LOXL2: variants seen among roughly 807,000 people sequenced by gnomAD.
LOXL2 encodes the protein lysyl oxidase like 2.
LOXL2 carries 70 observed loss-of-function variants against 93.0 expected under a neutral mutation model. That is an observed-to-expected ratio of 0.75 (90% CI 0.62 to 0.92). The LOEUF is 0.92. Ranked by LOEUF, LOXL2 falls within the 40% of genes least tolerant of loss-of-function variation. The pLI is 0.00. For missense variants in LOXL2, 973 were observed against 1,054.9 expected, an observed-to-expected ratio of 0.92 and a Z score of 1.08; for synonymous variants, 438 against 413.2, an observed-to-expected ratio of 1.06 and a Z score of -0.73.
chr8:23,373,732 T>C (rs1804540289), intron 1 of LOXL2, among the ~76,000 whole-genome samples: 1 of 152,236 alleles, frequency 6.6e-6, no homozygotes, highest in Non-Finnish European at 1.5e-5. Context: ...GTTTGATAAC[T>C]TGCCTAAAGT....
chr8:23,341,276 C>A (rs1016744673), intron 3 of LOXL2, 73 bp from the exon 4 acceptor site: 5 of 1,265,038 alleles, frequency 4.0e-6, no homozygotes, highest in Non-Finnish European at 5.8e-6. Flanking sequence ...GCAACCAGTA[C>A]TTCTTTAGCG....
At chr8:23,384,744 T>C (rs1407906555) in intron 1 of LOXL2, among the ~76,000 whole-genome samples, 1 of 152,072 alleles carries the variant, frequency 6.6e-6, no homozygotes, top group Non-Finnish European at 1.5e-5. Context: ...TGAAACCCCA[T>C]TGCTACTAAA....
intron 10 of LOXL2, among the ~76,000 whole-genome samples, chr8:23,304,906 G>A (rs557414228): frequency 2.6e-5 from 4 of 152,276 alleles, no homozygotes; most frequent in Admixed American, 2.6e-4. Flanking sequence ...GGTTTCCTGC[G>A]AGGAAATTCG....
intron 3 of LOXL2, among the ~76,000 whole-genome samples, chr8:23,347,182 C>T (rs947621246): frequency 1.8e-5 from 1 of 54,162 alleles, no homozygotes; most frequent in Non-Finnish European, 3.2e-5. Flanking sequence ...CACACACACA[C>T]ACACACACAC....
At position 23,322,172 on chromosome 8, in the gene LOXL2, A is replaced by G; in HGVS notation, c.1260T>C (p.Ala420=). The part of the protein sequence containing the change: ...ESQGCNHEED[A]GVRCNTPAMG... ...TGGCAGGGGTGTTGCATCTCACACC[A>G]GCATCCTCCTCGTGGTTGCAGCCCT... The change falls in exon 7 of 14, where the codon GCT becomes GCC. Residue 420 remains alanine, a synonymous_variant. Transcript: ENST00000389131. The G allele has an allele frequency of 5.6e-6, 9 of 1,614,210 alleles. No individual in the cohort carries two copies. The highest frequency in any genetic ancestry group is 7.6e-6 in the Non-Finnish European group (9 of 1,180,008).
chr8:23,341,529 C>T (rs1585359258), intron 3 of LOXL2: 1 of 422,164 alleles, frequency 2.4e-6, no homozygotes, highest in Non-Finnish European at 4.4e-6. Context: ...CAGCAGCCTC[C>T]TCCTGCACAG....
At chr8:23,324,229 G>A (rs4323477) in intron 6 of LOXL2, among the ~76,000 whole-genome samples, 88,809 of 152,054 alleles carry the variant, frequency 0.58, 28,417 homozygotes, top group Middle Eastern at 0.73. Flanking sequence ...GAACTTCTGT[G>A]TAAACTTGCG....
At chr8:23,346,467 C>T (rs1216937827) in intron 3 of LOXL2, among the ~76,000 whole-genome samples, 6 of 152,156 alleles carry the variant, frequency 3.9e-5, no homozygotes, top group East Asian at 1.9e-4. Flanking sequence ...AACCAAGGCA[C>T]GACCATGCAA....
At chr8:23,355,979 C>A (rs1353680736) in intron 3 of LOXL2, among the ~76,000 whole-genome samples, 2 of 151,804 alleles carry the variant, frequency 1.3e-5, no homozygotes, top group African/African-American at 4.8e-5. Flanking sequence ...TGTTTTTTTC[C>A]CCATGAACTT....
chr8:23,346,309 C>G (rs941406118), intron 3 of LOXL2, among the ~76,000 whole-genome samples: 1 of 152,090 alleles, frequency 6.6e-6, no homozygotes, highest in Non-Finnish European at 1.5e-5. Context: ...ATCCCTCTTG[C>G]CAGAGACAAC....
chr8:23,385,290 A>C (rs1585381756), intron 1 of LOXL2, among the ~76,000 whole-genome samples: 1 of 140,616 alleles, frequency 7.1e-6, no homozygotes, highest in Middle Eastern at 4.0e-3. Context: ...CCTGTTGCCC[A>C]GGCTGGAGTG....
chr8:23,369,448 G>A (rs1046573550), intron 1 of LOXL2, among the ~76,000 whole-genome samples: 3 of 152,098 alleles, frequency 2.0e-5, no homozygotes, highest in African/African-American at 7.2e-5. Flanking sequence ...GGGGCATAAG[G>A]TATTTTATTT....
chr8:23,385,837 A>T (rs867272697), intron 1 of LOXL2: 1 of 661,574 alleles, frequency 1.5e-6, no homozygotes, highest in Admixed American at 2.2e-5. Context: ...TGGAATCAAT[A>T]CAAAAATTAT....
intron 1 of LOXL2, among the ~76,000 whole-genome samples, chr8:23,369,925 G>A (rs888295272): frequency 2.6e-5 from 4 of 152,116 alleles, no homozygotes; most frequent in Non-Finnish European, 5.9e-5. Flanking sequence ...AAGAACCTTG[G>A]GGAGTAGAAG....
chr8:23,360,924 CAG>C (rs1389113481), intron 2 of LOXL2, among the ~76,000 whole-genome samples: 4 of 151,264 alleles, frequency 2.6e-5, no homozygotes, highest in Admixed American at 6.6e-5. Context: ...TTTTTTTAGA[CAG>C]AGTCTTGCTC....
intron 2 of LOXL2, among the ~76,000 whole-genome samples, chr8:23,360,896 T>TTTTTTTG (rs1172225617): frequency 1.3e-3 from 192 of 151,404 alleles, no homozygotes; most frequent in African/African-American, 4.3e-3. Context: ...TTTGTGGGGT[T>TTTTTTTG]TTTTTTGTTT....
chr8:23,309,708 T>C lies in LOXL2; in HGVS notation c.1840A>G (p.Lys614Glu). The change falls in exon 10 of 14, where the codon AAG (lysine) becomes GAG (glutamate). Residue 614 changes from lysine (K) to glutamate (E), a missense_variant. Coordinates refer to ENST00000389131, the MANE Select transcript of LOXL2 (RefSeq NM_002318.3). The part of the protein sequence containing the change: ...HNNGQSDFRP[K>E]NGRHAWIWHD... The stretch of plus-strand genomic sequence containing the variant: ...CAGATCCACGCGTGGCGGCCGTTCT[T>C]GGGCCGGAAGTCGGACTGGCCATTG... 2 of 1,565,714 alleles carry C rather than the reference T, an allele frequency of 1.3e-6. No individual in the cohort carries two copies. The highest frequency in any genetic ancestry group is 1.7e-6 in the Non-Finnish European group (2 of 1,154,258).
chr8:23,318,835 T>C (rs4327869), intron 8 of LOXL2, among the ~76,000 whole-genome samples: 103,405 of 152,180 alleles, frequency 0.68, 35,417 homozygotes, highest in East Asian at 0.77. Flanking sequence ...AAGGCCTGTC[T>C]CTTCTGGATG....
At chr8:23,328,275 G>T in intron 6 of LOXL2, 107 bp downstream of exon 6, 1 of 1,203,894 alleles carries the variant, frequency 8.3e-7, no homozygotes, top group Non-Finnish European at 1.2e-6. Context: ...ACTAAAGGGA[G>T]GAGGGAAAGT....
Sources: allele counts gnomAD v4.1 joint callset (sites outside exome capture counted in the v4.1 genomes callset), GRCh38; gene constraint gnomAD v4.1.1; transcripts MANE v1.5; gene names NCBI Gene and HGNC (gene_info 2026-07-23, HGNC 2026-07-21).